Variants in TMEM117 observed in about 807,000 individuals in gnomAD.
TMEM117 encodes transmembrane protein 117.
In TMEM117, 27 loss-of-function variants were observed where a neutral mutation model predicts 52.4. That is an observed-to-expected ratio of 0.51 (90% CI 0.38 to 0.71). TMEM117 has a LOEUF of 0.71. Ranked by LOEUF, TMEM117 falls within the 30% of genes least tolerant of loss-of-function variation. TMEM117 has a pLI of 0.00. For missense variants in TMEM117, 556 were observed against 630.5 expected (o/e 0.88, Z 1.26); for synonymous variants, 215 against 206.3 (o/e 1.04, Z -0.36).
intron 3 of TMEM117, among the ~76,000 whole-genome samples, chr12:43,987,171 A>G (rs938413239): frequency 1.3e-5 from 2 of 152,192 alleles, no homozygotes; most frequent in Admixed American, 6.5e-5. Flanking sequence ...ACAAGCACAC[A>G]TAGAGAGAAG....
At chr12:44,374,643 T>TGC (rs1951915143) in intron 6 of TMEM117, among the ~76,000 whole-genome samples, 1 of 151,728 alleles carries the variant, frequency 6.6e-6, no homozygotes, top group African/African-American at 2.4e-5. Flanking sequence ...TGTGTGTGTG[T>TGC]GTGTGTGTGT....
chr12:44,001,086 C>T (rs11182370), intron 3 of TMEM117, among the ~76,000 whole-genome samples: 2,395 of 152,200 alleles, frequency 0.016, 68 homozygotes, highest in African/African-American at 0.054. Flanking sequence ...CTGGCAGTCC[C>T]GGAGACATCA....
At chr12:44,063,789 A>G (rs1049431586) in intron 3 of TMEM117, among the ~76,000 whole-genome samples, 1 of 152,082 alleles carries the variant, frequency 6.6e-6, no homozygotes, top group African/African-American at 2.4e-5. Flanking sequence ...TATAAAGCCA[A>G]TTAAAATTAT....
chr12:43,991,339 A>G (rs1376540336), intron 3 of TMEM117, among the ~76,000 whole-genome samples: 1 of 152,210 alleles, frequency 6.6e-6, no homozygotes, highest in Admixed American at 6.5e-5. Context: ...AAATCGTCAC[A>G]TAGTCTCCAT....
At chr12:44,168,663 T>A (rs1189297958) in intron 4 of TMEM117, among the ~76,000 whole-genome samples, 1 of 152,206 alleles carries the variant, frequency 6.6e-6, no homozygotes, top group African/African-American at 2.4e-5. Context: ...GTTCCCAAAA[T>A]TAGAACTTTT....
At chr12:44,182,772 T>A (rs1434724496) in intron 4 of TMEM117, among the ~76,000 whole-genome samples, 1 of 152,148 alleles carries the variant, frequency 6.6e-6, no homozygotes, top group Non-Finnish European at 1.5e-5. Context: ...AGGTACCTCA[T>A]AGCTTAGTTG....
intron 6 of TMEM117, among the ~76,000 whole-genome samples, chr12:44,340,544 G>A (rs1314989432): frequency 6.6e-6 from 1 of 152,052 alleles, no homozygotes; most frequent in African/African-American, 2.4e-5. Context: ...GAGCTACAGA[G>A]GCCCTTTCCT....
chr12:44,014,130 G>A (rs1489270642), intron 3 of TMEM117, among the ~76,000 whole-genome samples: 1 of 152,116 alleles, frequency 6.6e-6, no homozygotes, highest in East Asian at 1.9e-4. Context: ...AAGTCCCCCT[G>A]TCCCCCACAG....
intron 3 of TMEM117, among the ~76,000 whole-genome samples, chr12:44,086,583 C>T (rs1174653217): frequency 6.6e-6 from 1 of 152,056 alleles, no homozygotes; most frequent in Non-Finnish European, 1.5e-5. Context: ...GTTTGTTCTG[C>T]ATGCTGGCCT....
Position 44,176,370 on chromosome 12 carries a change from G to A in TMEM117, c.510+32746G>A, listed in dbSNP as rs567438245. On this transcript the variant is annotated intron_variant, in intron 4 of 7. Transcript: ENST00000266534. The stretch of plus-strand genomic sequence containing the variant: ...ATGAACGAGTGAATAATACATCTCT[G>A]TTAATATGAAGTATAGAAGTGCTAT... 3.9e-5 allele frequency among the ~76,000 whole-genome samples: 6 copies of A among 152,210 alleles called. No individual in the cohort carries two copies. In the South Asian group the frequency reaches 1.0e-3, roughly 26 times the overall value.
intron 2 of TMEM117, among the ~76,000 whole-genome samples, chr12:43,939,219 T>G (rs1272610343): frequency 2.0e-5 from 3 of 152,200 alleles, no homozygotes; most frequent in Admixed American, 2.0e-4. Context: ...TTTAAGTAGC[T>G]GCAGATTCTA....
intron 2 of TMEM117, among the ~76,000 whole-genome samples, chr12:43,902,355 G>C (rs1944317632): frequency 6.6e-6 from 1 of 152,212 alleles, no homozygotes; most frequent in Admixed American, 6.5e-5. Context: ...AAGGGACCCA[G>C]TTACCACATC....
intron 5 of TMEM117, among the ~76,000 whole-genome samples, chr12:44,221,432 A>G (rs906359483): frequency 2.0e-5 from 3 of 152,168 alleles, no homozygotes; most frequent in South Asian, 2.1e-4. Flanking sequence ...GCTTCTAACT[A>G]TGGACTATTT....
At chr12:44,075,721 T>A (rs935868102) in intron 3 of TMEM117, among the ~76,000 whole-genome samples, 1 of 152,182 alleles carries the variant, frequency 6.6e-6, no homozygotes, top group Non-Finnish European at 1.5e-5. Flanking sequence ...CTCATGTTGT[T>A]TTTTAGCTTA....
chr12:44,065,416 G>A (rs1976211), intron 3 of TMEM117, among the ~76,000 whole-genome samples: 24,417 of 151,884 alleles, frequency 0.16, 2,958 homozygotes, highest in African/African-American at 0.34. Context: ...AAGGAATAAT[G>A]GTAAACTGTA....
At position 44,374,552 on chromosome 12, in the gene TMEM117, C is replaced by T. The variant is rs923071519; in HGVS notation, c.769-2043C>T. On this transcript the variant is annotated intron_variant, in intron 6 of 7. Transcript: ENST00000266534. Reference sequence around the variant, plus strand: ...CTTGTTCTTCCCCCTCTTTCCTTTACCCTTCATTTCCGTAACTTATCTTTC... The same window carrying T: ...CTTGTTCTTCCCCCTCTTTCCTTTATCCTTCATTTCCGTAACTTATCTTTC... Among the ~76,000 whole-genome samples the T allele has an allele frequency of 2.6e-5, 4 of 151,974 alleles. No individual in the cohort carries two copies. The South Asian group carries it at 8.3e-4, about 32-fold the overall frequency.
At chr12:44,222,180 G>A (rs1252181257) in intron 5 of TMEM117, among the ~76,000 whole-genome samples, 1 of 152,138 alleles carries the variant, frequency 6.6e-6, no homozygotes, top group African/African-American at 2.4e-5. Context: ...CTCTGGTCAT[G>A]AATTCCACTC....
intron 2 of TMEM117, among the ~76,000 whole-genome samples, chr12:43,877,634 CAAA>C (rs372068617): frequency 1.2e-4 from 12 of 99,922 alleles, no homozygotes; most frequent in Non-Finnish European, 1.4e-4. Flanking sequence ...GACTCGGTCT[CAAA>C]AAAAAAAAAA....
chr12:43,860,057 G>T (rs1285872169), intron 2 of TMEM117, among the ~76,000 whole-genome samples: 1 of 152,068 alleles, frequency 6.6e-6, no homozygotes, highest in Non-Finnish European at 1.5e-5. Flanking sequence ...AAGTTCTGGG[G>T]TACATGTGCA....
Sources: gnomAD v4.1 joint callset for allele counts (sites outside exome capture counted in the v4.1 genomes callset) on GRCh38, gnomAD v4.1.1 for gene constraint, MANE v1.5 for transcripts, NCBI Gene and HGNC (gene_info 2026-07-23, HGNC 2026-07-21) for gene names.